Variants in MYO3B observed in about 807,000 individuals in gnomAD.
MYO3B encodes myosin IIIB, also known as myosin-IIIb.
MYO3B carries 156 observed loss-of-function variants against 174.6 expected under a neutral mutation model. The observed-to-expected ratio is 0.89, with a 90% CI of 0.78 to 1.02. MYO3B has a LOEUF of 1.02. Among genes scored for constraint, MYO3B ranks in the 50% least tolerant of loss-of-function variants. The pLI, the probability that MYO3B is intolerant of heterozygous loss-of-function variation, is 0.00. For missense variants in MYO3B, 1,632 were observed against 1,639.4 expected (o/e 1.00, Z 0.08); for synonymous variants, 563 against 569.1 (o/e 0.99, Z 0.15).
intron 25 of MYO3B, among the ~76,000 whole-genome samples, chr2:170,489,918 A>G (rs1686349023): frequency 6.6e-6 from 1 of 151,950 alleles, no homozygotes; most frequent in African/African-American, 2.4e-5. Context: ...TTTTTAGCCA[A>G]TGTTTTGTAG....
intron 30 of MYO3B, among the ~76,000 whole-genome samples, chr2:170,528,499 G>A (rs1188946441): frequency 6.6e-6 from 1 of 152,058 alleles, no homozygotes; most frequent in Non-Finnish European, 1.5e-5. Context: ...TCTGCCTCCC[G>A]GGTTTAACCG....
chr2:170,205,323 G>C (rs2092702746), intron 3 of MYO3B, among the ~76,000 whole-genome samples: 1 of 152,134 alleles, frequency 6.6e-6, no homozygotes. Context: ...AAGTAGGGCA[G>C]GGAGAGAGAC....
At chr2:170,182,622 T>TA (rs2092414962) in intron 1 of MYO3B, among the ~76,000 whole-genome samples, 1 of 150,896 alleles carries the variant, frequency 6.6e-6, no homozygotes, top group African/African-American at 2.4e-5. Context: ...TTCTTTTTTT[T>TA]TTTTTTTGAG....
chr2:170,608,111 G>A (rs898302883), intron 32 of MYO3B, among the ~76,000 whole-genome samples: 9 of 152,178 alleles, frequency 5.9e-5, no homozygotes, highest in Non-Finnish European at 8.8e-5. Flanking sequence ...AGTTAATTCC[G>A]TGATGTAAAG....
At chr2:170,406,079 CATT>C (rs1428998694) in intron 21 of MYO3B, among the ~76,000 whole-genome samples, 1 of 152,148 alleles carries the variant, frequency 6.6e-6, no homozygotes, top group Non-Finnish European at 1.5e-5. Context: ...AAAAAATTCA[CATT>C]ATTATCCAGA....
intron 23 of MYO3B, among the ~76,000 whole-genome samples, chr2:170,460,788 A>T (rs1044806930): frequency 3.3e-5 from 5 of 152,182 alleles, no homozygotes; most frequent in African/African-American, 1.2e-4. Flanking sequence ...GCATTTTTCC[A>T]ATTTGCTGTA....
At chr2:170,512,942 C>T (rs770837209) in intron 28 of MYO3B, among the ~76,000 whole-genome samples, 6 of 152,214 alleles carry the variant, frequency 3.9e-5, no homozygotes, top group Admixed American at 6.5e-5. Context: ...ATAAAGTAGT[C>T]GCTCTCTTTT....
intron 29 of MYO3B, among the ~76,000 whole-genome samples, chr2:170,518,665 C>G (rs1051529890): frequency 6.6e-6 from 1 of 152,220 alleles, no homozygotes. Context: ...TCAAGGTCAC[C>G]TGGACAGCTT....
intron 1 of MYO3B, among the ~76,000 whole-genome samples, 159 bp from the exon 2 acceptor site, chr2:170,199,049 G>A (rs915215850): frequency 6.6e-6 from 1 of 152,082 alleles, no homozygotes; most frequent in Admixed American, 6.5e-5. Flanking sequence ...TTCTTAAGGA[G>A]GGTCCAAGTT....
intron 7 of MYO3B, among the ~76,000 whole-genome samples, chr2:170,243,585 C>T (rs762107205): frequency 2.6e-5 from 4 of 152,126 alleles, no homozygotes; most frequent in African/African-American, 4.8e-5. Context: ...TGAGTAATGT[C>T]GACCTCATAG....
chr2:170,584,634 T>TA (rs1397172707), intron 32 of MYO3B, among the ~76,000 whole-genome samples: 2 of 152,246 alleles, frequency 1.3e-5, no homozygotes, highest in African/African-American at 4.8e-5. Flanking sequence ...GGATTAGGTG[T>TA]TGGATTGGAC....
At chr2:170,476,091 G>A (rs1181658381) in intron 25 of MYO3B, among the ~76,000 whole-genome samples, 3 of 152,018 alleles carry the variant, frequency 2.0e-5, no homozygotes, top group Non-Finnish European at 4.4e-5. Flanking sequence ...CACAGGACAT[G>A]CGACAAGGGT....
At chr2:170,469,420 A>G (rs1684838097) in intron 25 of MYO3B, among the ~76,000 whole-genome samples, 1 of 152,208 alleles carries the variant, frequency 6.6e-6, no homozygotes, top group African/African-American at 2.4e-5. Context: ...AGCTCGCTGG[A>G]TGAGAGACCT....
chr2:170,204,266 T>G (rs1191816712), intron 3 of MYO3B, among the ~76,000 whole-genome samples: 2 of 152,214 alleles, frequency 1.3e-5, no homozygotes, highest in Non-Finnish European at 2.9e-5. Flanking sequence ...CTGAAGTAAT[T>G]TTGACTGTCT....
At chr2:170,583,260 T>C (rs116393896) in intron 32 of MYO3B, among the ~76,000 whole-genome samples, 2,234 of 152,186 alleles carry the variant, frequency 0.015, 62 homozygotes, top group African/African-American at 0.051. Context: ...ACAGAGAAAG[T>C]GCTCAGGGAG....
intron 32 of MYO3B, among the ~76,000 whole-genome samples, chr2:170,618,360 G>C (rs1422369931): frequency 1.3e-5 from 2 of 152,208 alleles, no homozygotes; most frequent in African/African-American, 4.8e-5. Context: ...GGAGGAGGCA[G>C]AGGTTGAGCC....
At chr2:170,407,190 G>A (rs960182523) in intron 21 of MYO3B, among the ~76,000 whole-genome samples, 4 of 152,112 alleles carry the variant, frequency 2.6e-5, no homozygotes, top group Admixed American at 6.5e-5. Flanking sequence ...GGCCAGGTGC[G>A]GTGGCTAACA....
intron 22 of MYO3B, among the ~76,000 whole-genome samples, chr2:170,420,214 C>CA (rs1558984158): frequency 6.6e-6 from 1 of 151,832 alleles, no homozygotes; most frequent in Non-Finnish European, 1.5e-5. Flanking sequence ...ACAAACAAAA[C>CA]AAAAAACAGA....
chr2:170,307,663 G>A (rs1157976104), intron 7 of MYO3B, among the ~76,000 whole-genome samples: 1 of 152,188 alleles, frequency 6.6e-6, no homozygotes, highest in Non-Finnish European at 1.5e-5. Context: ...AGGCAAGCTG[G>A]TGGTGAAAGA....
Sources: allele counts gnomAD v4.1 joint callset (sites outside exome capture counted in the v4.1 genomes callset), GRCh38; gene constraint gnomAD v4.1.1; transcripts MANE v1.5; gene names NCBI Gene and HGNC (gene_info 2026-07-23, HGNC 2026-07-21).